Variants in COL5A1 observed in about 807,000 individuals in gnomAD.
COL5A1 encodes the protein collagen alpha-1(V) chain.
A neutral mutation model predicts 263.7 loss-of-function variants in COL5A1; 16 were observed. The ratio of observed to expected loss-of-function variants is 0.06; its 90% CI spans 0.04 to 0.09. The LOEUF is 0.09. Ranked by LOEUF, COL5A1 falls within the 10% of genes least tolerant of loss-of-function variation. The probability of loss-of-function intolerance (pLI) is 1.00; values close to 1 mark genes in which losing one functional copy is unlikely to be tolerated. For missense variants in COL5A1, 2,036 were observed against 2,540.5 expected (o/e 0.80, Z 4.27); for synonymous variants, 1,012 against 1,004.5 (o/e 1.01, Z -0.14).
At chr9:134,750,035 C>T (rs1231080278) in intron 11 of COL5A1, among the ~76,000 whole-genome samples, 4 of 152,174 alleles carry the variant, frequency 2.6e-5, no homozygotes, top group Admixed American at 2.6e-4. Context: ...CGTGTCCATC[C>T]ACGCAAGTGG....
chr9:134,751,320 A>C (rs1040371006), intron 13 of COL5A1, among the ~76,000 whole-genome samples: 1 of 152,092 alleles, frequency 6.6e-6, no homozygotes, highest in African/African-American at 2.4e-5. Flanking sequence ...TTCTAACTTT[A>C]CAAGGGGCTT....
At chr9:134,738,940 A>G in intron 11 of COL5A1, 132 bp downstream of exon 11, 2 of 748,274 alleles carry the variant, frequency 2.7e-6, no homozygotes, top group Non-Finnish European at 4.7e-6. Context: ...ATCCCCCCTC[A>G]CCCAGGCACT....
chr9:134,659,013 G>T (rs1318158259), intron 1 of COL5A1, among the ~76,000 whole-genome samples: 2 of 152,208 alleles, frequency 1.3e-5, no homozygotes, highest in South Asian at 2.1e-4. Context: ...TGGCCTCTGT[G>T]TAAGGCAGGA....
intron 63 of COL5A1, among the ~76,000 whole-genome samples, chr9:134,826,717 GGGT>G (rs1378755597): frequency 6.5e-5 from 6 of 92,078 alleles, no homozygotes; most frequent in South Asian, 1.0e-3. Flanking sequence ...GGGGGTGTGT[GGGT>G]GGTGTGTGGG....
intron 42 of COL5A1, among the ~76,000 whole-genome samples, chr9:134,807,036 G>C (rs28753695): frequency 0.054 from 8,209 of 152,170 alleles, 683 homozygotes; most frequent in African/African-American, 0.19. Flanking sequence ...CTGCTAGCCT[G>C]CTTTCGTGAA....
chr9:134,747,850 CAT>C (rs1369339827), intron 11 of COL5A1, among the ~76,000 whole-genome samples: 14 of 151,364 alleles, frequency 9.2e-5, no homozygotes, highest in Non-Finnish European at 2.1e-4. Context: ...CACATGCACA[CAT>C]GCATTCATAC....
At position 134,757,377 on chromosome 9, in the gene COL5A1, G is replaced by A. The variant is rs544027863; in HGVS notation, c.1881+559G>A. The stretch of plus-strand genomic sequence containing the variant: ...CGGTCTTGGCTCACCCCTCCTCCTC[G>A]CCTCTTGGAAGCATTTGTCCCAGGC... On this transcript the variant is annotated intron_variant, in intron 17 of 65. Coordinates refer to ENST00000371817, the MANE Select transcript of COL5A1 (RefSeq NM_000093.5). The surrounding 1 kb of genome is among the most constrained non-coding windows in gnomAD (Gnocchi z 6.2). 1.4e-4 allele frequency among the ~76,000 whole-genome samples: 22 copies of A among 152,170 alleles called. No homozygotes were observed. The highest frequency in any genetic ancestry group is 2.2e-4 in the Non-Finnish European group (15 of 67,998).
At chr9:134,744,751 ACATT>A (rs1316312061) in intron 11 of COL5A1, among the ~76,000 whole-genome samples, 4 of 151,922 alleles carry the variant, frequency 2.6e-5, no homozygotes, top group East Asian at 3.9e-4. Context: ...ACCTGCACAC[ACATT>A]CATGCACATG....
Position 134,789,342 on chromosome 9 carries a change from T to A in COL5A1, c.2700+134T>A. 1.3e-6 allele frequency: 1 copy of A among 764,288 alleles called. No individual in the cohort carries two copies. The highest frequency in any genetic ancestry group is 2.2e-6 in the Non-Finnish European group (1 of 446,948). 47.3% of individuals were successfully genotyped at this position (764,288 alleles called of 1,614,324 possible). On this transcript the variant is annotated intron_variant, in intron 32 of 65. Coordinates refer to ENST00000371817, the MANE Select transcript of COL5A1 (RefSeq NM_000093.5). This position sits in a 1 kb window ranked among gnomAD's most constrained non-coding sequence, Gnocchi z 4.8. ...AACTGCTCTCCTGAATGGCTGGCCTTAAGCTCTTGAACTTCAGCACCACGT... is the reference window on the plus strand; with the variant it reads ...AACTGCTCTCCTGAATGGCTGGCCTAAAGCTCTTGAACTTCAGCACCACGT...
chr9:134,727,628 G>C (rs188142202), intron 5 of COL5A1, among the ~76,000 whole-genome samples: 16 of 152,342 alleles, frequency 1.1e-4, no homozygotes, highest in Admixed American at 7.8e-4. Context: ...TTAACCTTTT[G>C]AACAAGCTCC....
At chr9:134,780,068 C>T (rs1218447736) in intron 27 of COL5A1, 34 bp from the exon 28 acceptor site, 1 of 1,612,682 alleles carries the variant, frequency 6.2e-7, no homozygotes, top group Non-Finnish European at 8.5e-7. Context: ...AGACTTGTAA[C>T]CATTCACTCC....
chr9:134,772,682 G>A, intron 25 of COL5A1, 108 bp from the exon 26 acceptor site: 1 of 1,197,886 alleles, frequency 8.3e-7, no homozygotes, highest in Non-Finnish European at 1.2e-6. Context: ...TTCCTGGGGA[G>A]GAAGGGAAAT....
intron 63 of COL5A1, among the ~76,000 whole-genome samples, chr9:134,826,896 G>A (rs116525050): frequency 0.014 from 2,058 of 152,168 alleles, 45 homozygotes; most frequent in African/African-American, 0.047. Flanking sequence ...GCTGGCATGT[G>A]CATGCATGTA....
At chr9:134,717,925 AAGG>A (rs1390590267) in intron 4 of COL5A1, among the ~76,000 whole-genome samples, 4 of 152,060 alleles carry the variant, frequency 2.6e-5, no homozygotes, top group Non-Finnish European at 4.4e-5. Context: ...ATGGGGTTGA[AAGG>A]AGGAGTGCAT....
At chr9:134,815,887 CAG>C in intron 51 of COL5A1, 46 bp from the exon 52 acceptor site, 3 of 1,608,230 alleles carry the variant, frequency 1.9e-6, no homozygotes, top group Non-Finnish European at 2.6e-6. Context: ...TGCATGAACT[CAG>C]GGTGCCATCC....
rs1302509151 is a variant in COL5A1 at position 134,765,267 on chromosome 9, G to T, written c.2035-414G>T. On this transcript the variant is annotated intron_variant, in intron 20 of 65. Transcript: ENST00000371817. This position sits in a 1 kb window ranked among gnomAD's most constrained non-coding sequence, Gnocchi z 5.1. ...ATCATAAAAACAATCGTATGTCGCT[G>T]CGGAGGGGAATTCAGGAGCGAGCCG... 2.0e-5 allele frequency among the ~76,000 whole-genome samples: 3 copies of T among 152,210 alleles called. No individual in the cohort carries two copies. The highest frequency in any genetic ancestry group is 7.2e-5 in the African/African-American group (3 of 41,454).
At chr9:134,714,316 T>C (rs1022544062) in intron 4 of COL5A1, among the ~76,000 whole-genome samples, 2 of 150,654 alleles carry the variant, frequency 1.3e-5, no homozygotes, top group African/African-American at 4.9e-5. Flanking sequence ...ATGATGCTGA[T>C]GGTGGTGATA....
chr9:134,773,396 T>C (rs1437788977), intron 26 of COL5A1, among the ~76,000 whole-genome samples: 1 of 152,084 alleles, frequency 6.6e-6, no homozygotes, highest in East Asian at 1.9e-4. Context: ...AGCACCTCTG[T>C]GGGAAGAGCC....
chr9:134,671,785 G>A (rs967891563), intron 1 of COL5A1, among the ~76,000 whole-genome samples: 5 of 152,186 alleles, frequency 3.3e-5, no homozygotes, highest in Non-Finnish European at 5.9e-5. Context: ...ACCATCTCCC[G>A]GGGCCAATTT....
Sources: allele counts gnomAD v4.1 joint callset (sites outside exome capture counted in the v4.1 genomes callset), GRCh38; gene constraint gnomAD v4.1.1; non-coding constraint Gnocchi (gnomAD v3.1); transcripts MANE v1.5; gene names NCBI Gene and HGNC (gene_info 2026-07-23, HGNC 2026-07-21).